Variants in PARD3 observed in about 807,000 individuals in gnomAD.
PARD3 encodes partitioning defective 3 homolog.
Under a neutral mutation model 155.4 loss-of-function variants are expected in PARD3, and 75 were observed. That is an observed-to-expected ratio of 0.48 (90% CI 0.40 to 0.58). PARD3 has a LOEUF of 0.58. PARD3 is among the 20% of genes least tolerant of loss of function. PARD3 has a pLI of 0.00. For missense variants in PARD3, 1,642 were observed against 1,721.7 expected, an observed-to-expected ratio of 0.95 and a Z score of 0.82; for synonymous variants, 576 against 610.5, an observed-to-expected ratio of 0.94 and a Z score of 0.83.
intron 19 of PARD3, among the ~76,000 whole-genome samples, chr10:34,328,768 C>T (rs1385798175): frequency 6.6e-6 from 1 of 152,192 alleles, no homozygotes; most frequent in East Asian, 1.9e-4. Context: ...ATGCAAGTCA[C>T]CTGAATTCCA....
At chr10:34,709,970 G>A (rs1410514597) in intron 1 of PARD3, among the ~76,000 whole-genome samples, 10 of 152,080 alleles carry the variant, frequency 6.6e-5, no homozygotes, top group Non-Finnish European at 1.2e-4. Context: ...CACACACTGC[G>A]CCTGAGTATT....
chr10:34,238,437 C>A (rs968904713), intron 22 of PARD3, among the ~76,000 whole-genome samples: 9 of 152,154 alleles, frequency 5.9e-5, no homozygotes, highest in Admixed American at 2.0e-4. Context: ...TTTGTGTTAG[C>A]ATTTTTCAAT....
intron 22 of PARD3, among the ~76,000 whole-genome samples, chr10:34,180,167 C>T (rs796322335): frequency 1.4e-4 from 21 of 152,280 alleles, no homozygotes; most frequent in African/African-American, 4.8e-4. Context: ...CCTGCCTCAG[C>T]CTCCTGAGTA....
At chr10:34,350,026 C>T (rs1837871076) in intron 14 of PARD3, among the ~76,000 whole-genome samples, 1 of 152,178 alleles carries the variant, frequency 6.6e-6, no homozygotes. Context: ...CCTCCCCTAC[C>T]TCTCTACCCA....
chr10:34,393,836 A>ATG (rs1843066029), intron 7 of PARD3, among the ~76,000 whole-genome samples: 1 of 128,802 alleles, frequency 7.8e-6, no homozygotes, highest in African/African-American at 3.0e-5. Flanking sequence ...AATAGTAGTA[A>ATG]TTTTTTTTTT....
intron 2 of PARD3, among the ~76,000 whole-genome samples, chr10:34,673,003 C>T (rs757130415): frequency 9.4e-4 from 143 of 152,266 alleles, no homozygotes; most frequent in Non-Finnish European, 1.7e-3. Context: ...CTCTCTCTGA[C>T]CTATATGTAC....
At chr10:34,511,276 G>A (rs1451773248) in intron 3 of PARD3, among the ~76,000 whole-genome samples, 2 of 152,136 alleles carry the variant, frequency 1.3e-5, no homozygotes, top group Non-Finnish European at 2.9e-5. Flanking sequence ...TACCTTATAG[G>A]AGATGTTGTG....
intron 1 of PARD3, among the ~76,000 whole-genome samples, chr10:34,718,359 G>A (rs1247994948): frequency 6.6e-6 from 1 of 151,734 alleles, no homozygotes; most frequent in Non-Finnish European, 1.5e-5. Flanking sequence ...AGGTGAGGAG[G>A]TCAAAACATG....
intron 20 of PARD3, among the ~76,000 whole-genome samples, chr10:34,300,819 C>T (rs1339361496): frequency 6.6e-6 from 1 of 152,158 alleles, no homozygotes; most frequent in East Asian, 1.9e-4. Context: ...AGGTCGTGTT[C>T]AGCAGGACAA....
intron 3 of PARD3, among the ~76,000 whole-genome samples, chr10:34,504,602 A>C (rs899087603): frequency 2.6e-5 from 4 of 152,214 alleles, no homozygotes; most frequent in Non-Finnish European, 5.9e-5. Flanking sequence ...AATGTAGCCC[A>C]GAGAGAGACT....
Position 34,111,358 on chromosome 10 carries a change from C to A in PARD3, c.3873G>T (p.Lys1291Asn). ...QELLRQEQRRKEQQMKKQPPS... is the reference protein window; with the variant it reads ...QELLRQEQRRNEQQMKKQPPS... ...GAGGCTGCTTCTTCATCTGCTGCTC[C>A]TTCCGCCTCTGTTCCTGGCGAAGGA... The change falls in exon 25 of 25, where the codon AAG becomes AAT. Residue 1291 changes from lysine to asparagine, a missense_variant. Lys to Asn is a moderately conservative substitution (Grantham distance 94). Around this residue, in one of 3 missense-constraint regions of PARD3, gnomAD observed 1,529 missense variants for 1,587.3 expected, o/e 0.96. Transcript: ENST00000374788. 1 of 1,614,080 alleles carries A rather than the reference C, an allele frequency of 6.2e-7. No homozygotes were observed. The highest frequency in any genetic ancestry group is 1.1e-5 in the South Asian group (1 of 91,084).
intron 2 of PARD3, among the ~76,000 whole-genome samples, chr10:34,601,178 T>C (rs1239965239): frequency 1.3e-5 from 2 of 149,646 alleles, no homozygotes; most frequent in Admixed American, 1.3e-4. Context: ...CCTAATGCTT[T>C]GGGAGGCAAA....
intron 21 of PARD3, among the ~76,000 whole-genome samples, chr10:34,279,347 T>C (rs1956054542): frequency 6.6e-6 from 1 of 151,954 alleles, no homozygotes; most frequent in Admixed American, 6.6e-5. Context: ...AGTTAAGTTC[T>C]ACAAAGCAGG....
intron 1 of PARD3, among the ~76,000 whole-genome samples, chr10:34,811,774 G>A (rs1203441127): frequency 6.6e-6 from 1 of 152,016 alleles, no homozygotes; most frequent in Non-Finnish European, 1.5e-5. Context: ...ACCCCACACA[G>A]CGCTGCAGCT....
intron 22 of PARD3, among the ~76,000 whole-genome samples, chr10:34,239,069 G>A (rs12773126): frequency 0.076 from 11,627 of 152,170 alleles, 612 homozygotes; most frequent in Non-Finnish European, 0.11. Flanking sequence ...TAAAATAAGA[G>A]AAACAGTTCA....
At chr10:34,196,992 A>T (rs764069735) in intron 22 of PARD3, among the ~76,000 whole-genome samples, 10 of 152,010 alleles carry the variant, frequency 6.6e-5, no homozygotes, top group Admixed American at 2.0e-4. Context: ...CACCTCACGA[A>T]ATGGCTGGTG....
At chr10:34,287,556 G>A (rs906956400) in intron 20 of PARD3, among the ~76,000 whole-genome samples, 1 of 152,080 alleles carries the variant, frequency 6.6e-6, no homozygotes, top group Non-Finnish European at 1.5e-5. Context: ...TAGATTGGTT[G>A]ATTTTGCAAG....
chr10:34,388,083 G>A (rs911746908), intron 7 of PARD3, among the ~76,000 whole-genome samples: 1 of 152,104 alleles, frequency 6.6e-6, no homozygotes, highest in Non-Finnish European at 1.5e-5. Context: ...AGACCTGATG[G>A]GGGGCTGGGA....
At chr10:34,526,363 C>T (rs906253939) in intron 2 of PARD3, among the ~76,000 whole-genome samples, 4 of 152,310 alleles carry the variant, frequency 2.6e-5, no homozygotes, top group South Asian at 2.1e-4. Flanking sequence ...AAATCTCCCC[C>T]AGTCCCTACG....
Sources: allele counts gnomAD v4.1 joint callset (sites outside exome capture counted in the v4.1 genomes callset), GRCh38; gene constraint gnomAD v4.1.1; regional missense constraint gnomAD v4.1.1; transcripts MANE v1.5; gene names NCBI Gene and HGNC (gene_info 2026-07-23, HGNC 2026-07-21).